The following LINGO1 variants were observed in gnomAD, a reference collection of about 807,000 sequenced individuals.
LINGO1 encodes leucine rich repeat and Ig domain containing 1, also known as leucine-rich repeat and immunoglobulin-like domain-containing nogo receptor-interacting protein 1.
A neutral mutation model predicts 37.3 loss-of-function variants in LINGO1; 11 were observed. The ratio of observed to expected loss-of-function variants is 0.29; its 90% CI spans 0.19 to 0.49. The LOEUF (loss-of-function observed/expected upper bound fraction) is 0.49. LINGO1 is among the 20% of genes least tolerant of loss of function. LINGO1 has a pLI of 0.99. For missense variants in LINGO1, 585 were observed against 878.2 expected (o/e 0.67, Z 4.22); for synonymous variants, 387 against 403.0 (o/e 0.96, Z 0.48).
Position 77,680,502 on chromosome 15 carries a change from G to A in LINGO1, c.-98-3328C>T, listed in dbSNP as rs556877190. 2.0e-5 allele frequency among the ~76,000 whole-genome samples: 3 copies of A among 152,252 alleles called. No homozygotes were observed. The South Asian group carries it at 6.2e-4, about 32-fold the overall frequency. On this transcript the variant is annotated intron_variant, in intron 2 of 3. Transcript: ENST00000559893. ...CTAAGTAACTAAAATTTCAGTGGGG[G>A]TAGAATAATCTCACTTCCCAAATTC... is the stretch of plus-strand genomic sequence containing the variant.
At chr15:77,718,739 G>T (rs933860000) in intron 2 of LINGO1, among the ~76,000 whole-genome samples, 1 of 150,604 alleles carries the variant, frequency 6.6e-6, no homozygotes, top group Non-Finnish European at 1.5e-5. Flanking sequence ...TAACCCCCTG[G>T]GGTCAGGATG....
intron 1 of LINGO1, among the ~76,000 whole-genome samples, chr15:77,812,892 G>A (rs1596254090): frequency 1.3e-5 from 2 of 152,200 alleles, no homozygotes; most frequent in African/African-American, 2.4e-5. Context: ...CCCATAACTC[G>A]GGAGCTTCTC....
intron 3 of LINGO1, among the ~76,000 whole-genome samples, chr15:77,645,369 C>A (rs2074602754): frequency 6.6e-6 from 1 of 152,220 alleles, no homozygotes; most frequent in Admixed American, 6.5e-5. Context: ...CCCTGAGGCC[C>A]ACTCTTTATC....
intron 1 of LINGO1, among the ~76,000 whole-genome samples, chr15:77,754,296 G>A (rs1178916801): frequency 6.7e-6 from 1 of 149,138 alleles, no homozygotes; most frequent in Non-Finnish European, 1.5e-5. Flanking sequence ...GGGAGGGAGG[G>A]GAGAAGGAAG....
intron 2 of LINGO1, among the ~76,000 whole-genome samples, chr15:77,713,612 C>A (rs1477465397): frequency 6.6e-6 from 1 of 151,986 alleles, no homozygotes; most frequent in Admixed American, 6.6e-5. Context: ...TATATATAAA[C>A]ACTTACATAC....
intron 1 of LINGO1, among the ~76,000 whole-genome samples, chr15:77,740,166 T>C (rs2076248657): frequency 6.6e-6 from 1 of 152,196 alleles, no homozygotes; most frequent in African/African-American, 2.4e-5. Context: ...GACAGTGTGG[T>C]CAGGGAGGGC....
chr15:77,751,436 C>G (rs1047623110), intron 1 of LINGO1, among the ~76,000 whole-genome samples: 3 of 152,138 alleles, frequency 2.0e-5, no homozygotes, highest in Non-Finnish European at 2.9e-5. Flanking sequence ...ATTTAGAATA[C>G]CAGAAAGCCT....
chr15:77,705,438 C>T (rs2141282744), intron 2 of LINGO1, among the ~76,000 whole-genome samples: 1 of 152,274 alleles, frequency 6.6e-6, no homozygotes, highest in South Asian at 2.1e-4. Context: ...GTGGTGGCCC[C>T]AGGGCTCCCG....
intron 3 of LINGO1, among the ~76,000 whole-genome samples, chr15:77,665,153 G>A (rs2075103225): frequency 6.6e-6 from 1 of 152,160 alleles, no homozygotes; most frequent in Non-Finnish European, 1.5e-5. Flanking sequence ...TCCACAGGAT[G>A]TTCAAGCCAA....
rs985678348 is a variant in LINGO1 at position 77,623,490 on chromosome 15, C to T, written c.7-7590G>A. 3.9e-5 allele frequency among the ~76,000 whole-genome samples: 6 copies of T among 152,326 alleles called. No individual in the cohort carries two copies. The South Asian group carries it at 6.2e-4, about 16-fold the overall frequency. ...GAGCTGCTAATGGGAGAAATAATTC[C>T]GTTGCTGGCCAGTCTAATTTGGGGG... On this transcript the variant is annotated intron_variant, in intron 1 of 1. Coordinates refer to ENST00000355300, the MANE Select transcript of LINGO1 (RefSeq NM_032808.7).
intron 1 of LINGO1, among the ~76,000 whole-genome samples, chr15:77,782,593 C>G (rs566851850): frequency 6.6e-6 from 1 of 152,278 alleles, no homozygotes; most frequent in East Asian, 1.9e-4. Flanking sequence ...GCACCTCCAC[C>G]TGCGCCATAT....
intron 1 of LINGO1, among the ~76,000 whole-genome samples, chr15:77,777,342 T>TACAC (rs372625740): frequency 1.4e-5 from 2 of 147,658 alleles, no homozygotes; most frequent in African/African-American, 5.0e-5. Flanking sequence ...GCCCCTCCCA[T>TACAC]ACACACACAC....
chr15:77,767,999 G>C (rs1275586180), intron 1 of LINGO1, among the ~76,000 whole-genome samples: 1 of 152,238 alleles, frequency 6.6e-6, no homozygotes, highest in Non-Finnish European at 1.5e-5. Flanking sequence ...TGTTGGAAGA[G>C]GTTGCTCCAG....
intron 1 of LINGO1, among the ~76,000 whole-genome samples, chr15:77,758,063 T>C (rs2076438057): frequency 6.6e-6 from 1 of 152,210 alleles, no homozygotes; most frequent in South Asian, 2.1e-4. Context: ...AATTTAAACA[T>C]TTAAGTCAAC....
chr15:77,815,685 G>A lies in LINGO1; in HGVS notation c.-458+4573C>T, dbSNP rs376997771. Among the ~76,000 whole-genome samples the A allele has an allele frequency of 5.9e-5, 9 of 152,156 alleles. No homozygotes were observed. The East Asian group carries it at 1.4e-3, about 23-fold the overall frequency. On this transcript the variant is annotated intron_variant, in intron 1 of 5. Transcript: ENST00000562933. The stretch of plus-strand genomic sequence containing the variant: ...CCAGGTGGTAGGACTGGTGAATCCT[G>A]AGCCCTCGCCGAACTCTGACGACCT...
intron 2 of LINGO1, among the ~76,000 whole-genome samples, chr15:77,704,817 TACATACTGAGCCCTGACTGTGC>T (rs916179710): frequency 6.6e-6 from 1 of 151,698 alleles, no homozygotes; most frequent in Non-Finnish European, 1.5e-5. Flanking sequence ...TGACCCTGCA[TACATACTGAGCCCTGACTGTGC>T]ACACACTGAG....
At chr15:77,754,408 C>T (rs930721815) in intron 1 of LINGO1, among the ~76,000 whole-genome samples, 2 of 152,246 alleles carry the variant, frequency 1.3e-5, no homozygotes, top group Non-Finnish European at 2.9e-5. Flanking sequence ...AGCCACCGTC[C>T]GCTTCTGAAT....
At chr15:77,645,711 G>A (rs2074610847) in intron 3 of LINGO1, among the ~76,000 whole-genome samples, 1 of 152,226 alleles carries the variant, frequency 6.6e-6, no homozygotes, top group Non-Finnish European at 1.5e-5. Context: ...TCCCACCAGA[G>A]AGCTGGCTCC....
At chr15:77,762,165 T>C (rs2076484006) in intron 1 of LINGO1, among the ~76,000 whole-genome samples, 1 of 152,158 alleles carries the variant, frequency 6.6e-6, no homozygotes. Context: ...CATTAAGCAG[T>C]CCTTGCTGGG....
Sources: gnomAD v4.1 joint callset for allele counts (sites outside exome capture counted in the v4.1 genomes callset) on GRCh38, gnomAD v4.1.1 for gene constraint, MANE v1.5 for transcripts, NCBI Gene and HGNC (gene_info 2026-07-23, HGNC 2026-07-21) for gene names.